The following SLC25A48 variants were observed in gnomAD, a reference collection of about 807,000 sequenced individuals.
SLC25A48 encodes the protein solute carrier family 25 member 48.
Under a neutral mutation model 32.2 loss-of-function variants are expected in SLC25A48, and 29 were observed. The observed-to-expected ratio is 0.90, with a 90% CI of 0.67 to 1.23. The LOEUF (loss-of-function observed/expected upper bound fraction) is 1.23. Among genes scored for constraint, SLC25A48 ranks in the 50% most tolerant of loss-of-function variants. SLC25A48 has a pLI of 0.00. For missense variants in SLC25A48, 399 were observed against 422.7 expected, an observed-to-expected ratio of 0.94 and a Z score of 0.49; for synonymous variants, 164 against 172.3, an observed-to-expected ratio of 0.95 and a Z score of 0.38.
chr5:135,867,128 C>G (rs988617683), intron 4 of SLC25A48, among the ~76,000 whole-genome samples: 6 of 152,146 alleles, frequency 3.9e-5, no homozygotes, highest in Admixed American at 2.0e-4. Flanking sequence ...ATCCTCATTA[C>G]AGAATAAAAA....
intron 2 of SLC25A48, among the ~76,000 whole-genome samples, chr5:135,634,249 C>T (rs774511647): frequency 2.0e-5 from 3 of 152,174 alleles, no homozygotes; most frequent in East Asian, 1.9e-4. Flanking sequence ...GCCAAGGAGA[C>T]GATGCTGGCA....
chr5:135,743,212 C>G (rs1181469540), intron 3 of SLC25A48, among the ~76,000 whole-genome samples: 1 of 147,830 alleles, frequency 6.8e-6, no homozygotes, highest in African/African-American at 2.5e-5. Flanking sequence ...GCTGGGATTA[C>G]AGGTGGCTGC....
intron 3 of SLC25A48, among the ~76,000 whole-genome samples, chr5:135,692,318 C>CA (rs55818262): frequency 0.77 from 94,635 of 122,678 alleles, 35,815 homozygotes; most frequent in Middle Eastern, 0.86. Context: ...GACCCCGTCT[C>CA]AAAAAAAAAA....
At chr5:135,650,438 C>T (rs1407621093) in intron 3 of SLC25A48, 1 of 456,052 alleles carries the variant, frequency 2.2e-6, no homozygotes, top group Admixed American at 2.3e-5. Context: ...AGAGAGCCTC[C>T]AGACACAGTG....
In SLC25A48 at chr5:135,801,378, G is replaced by A. The variant is rs562369485; in HGVS notation, c.-520-11145G>A. Among the ~76,000 whole-genome samples, 7 of 151,156 alleles carry A rather than the reference G, an allele frequency of 4.6e-5. No homozygotes were observed. In the East Asian group the frequency reaches 1.4e-3, roughly 30 times the overall value. On this transcript the variant is annotated intron_variant, in intron 3 of 10. Coordinates refer to the SLC25A48 transcript ENST00000646290. ...GATGATATCACTCTCAATATCGTAG[G>A]GGGTGTACTCCTTCCTGTGATATTG...
At chr5:135,647,034 G>A (rs1270176893) in intron 3 of SLC25A48, among the ~76,000 whole-genome samples, 1 of 151,962 alleles carries the variant, frequency 6.6e-6, no homozygotes. Context: ...AATTATATGA[G>A]ATGATGGATA....
At chr5:135,722,604 A>G (rs1466225736) in intron 3 of SLC25A48, among the ~76,000 whole-genome samples, 1 of 152,166 alleles carries the variant, frequency 6.6e-6, no homozygotes, top group Non-Finnish European at 1.5e-5. Context: ...GTCTCTTCGG[A>G]GACTGTTTCC....
intron 3 of SLC25A48, among the ~76,000 whole-genome samples, chr5:135,643,978 A>C (rs1752900282): frequency 6.6e-6 from 1 of 152,234 alleles, no homozygotes; most frequent in Admixed American, 6.5e-5. Context: ...TCCAGAGCCC[A>C]CACTCTTTAT....
At chr5:135,856,680 A>G (rs1379843609) in intron 4 of SLC25A48, among the ~76,000 whole-genome samples, 1 of 152,186 alleles carries the variant, frequency 6.6e-6, no homozygotes, top group Non-Finnish European at 1.5e-5. Flanking sequence ...CTTCACCTTC[A>G]TCTTCAGCAT....
intron 3 of SLC25A48, among the ~76,000 whole-genome samples, chr5:135,738,342 A>G (rs545111201): frequency 8.5e-5 from 13 of 152,178 alleles, no homozygotes; most frequent in Non-Finnish European, 1.8e-4. Flanking sequence ...AAATCTGTCC[A>G]ATTAATTCTG....
intron 2 of SLC25A48, among the ~76,000 whole-genome samples, chr5:135,843,565 G>T (rs1580968150): frequency 6.6e-6 from 1 of 152,206 alleles, no homozygotes; most frequent in African/African-American, 2.4e-5. Context: ...AACACAAGGT[G>T]ATGGCAAACA....
intron 4 of SLC25A48, among the ~76,000 whole-genome samples, chr5:135,865,211 G>A (rs1407461994): frequency 6.6e-6 from 1 of 152,198 alleles, no homozygotes; most frequent in Non-Finnish European, 1.5e-5. Context: ...CAACTGAATA[G>A]GAATGCAAAT....
chr5:135,837,206 A>G (rs911408940), intron 1 of SLC25A48, among the ~76,000 whole-genome samples: 2 of 152,006 alleles, frequency 1.3e-5, no homozygotes, highest in African/African-American at 4.8e-5. Flanking sequence ...CCTGAGGACC[A>G]GCGCACCTCC....
At chr5:135,794,840 A>G (rs1194691461) in intron 3 of SLC25A48, among the ~76,000 whole-genome samples, 1 of 151,402 alleles carries the variant, frequency 6.6e-6, no homozygotes, top group Non-Finnish European at 1.5e-5. Context: ...TTCGGGGGGG[A>G]AGTATAATAT....
intron 3 of SLC25A48, among the ~76,000 whole-genome samples, chr5:135,851,731 C>T (rs1265542388): frequency 1.3e-5 from 2 of 152,190 alleles, no homozygotes; most frequent in African/African-American, 2.4e-5. Context: ...AGTACTTTCT[C>T]ACATTTGATT....
intron 1 of SLC25A48, among the ~76,000 whole-genome samples, chr5:135,607,304 A>G (rs1003958903): frequency 6.6e-6 from 1 of 152,220 alleles, no homozygotes; most frequent in Non-Finnish European, 1.5e-5. Context: ...CAAGTTCCAA[A>G]TAGATCTATA....
intron 4 of SLC25A48, among the ~76,000 whole-genome samples, chr5:135,865,236 A>T (rs77608865): frequency 6.6e-6 from 1 of 152,172 alleles, no homozygotes; most frequent in South Asian, 2.1e-4. Flanking sequence ...GGCTCTTTCT[A>T]TGAAAGCATC....
intron 3 of SLC25A48, among the ~76,000 whole-genome samples, chr5:135,785,558 G>GC (rs1281410693): frequency 6.6e-6 from 1 of 151,266 alleles, no homozygotes; most frequent in African/African-American, 2.4e-5. Flanking sequence ...ATATCCAGGG[G>GC]GGGAGAGGGT....
intron 3 of SLC25A48, among the ~76,000 whole-genome samples, chr5:135,672,827 A>G (rs997455276): frequency 7.2e-5 from 11 of 152,220 alleles, no homozygotes; most frequent in Admixed American, 3.3e-4. Context: ...TTATAAATGT[A>G]TCCATCACTC....
Sources: gnomAD v4.1 joint callset for allele counts (sites outside exome capture counted in the v4.1 genomes callset) on GRCh38, gnomAD v4.1.1 for gene constraint, MANE v1.5 for transcripts, NCBI Gene and HGNC (gene_info 2026-07-23, HGNC 2026-07-21) for gene names.